Variants in SNTB1 observed in about 807,000 individuals in gnomAD.
SNTB1 encodes syntrophin beta 1, also known as beta-1-syntrophin.
Under a neutral mutation model 48.9 loss-of-function variants are expected in SNTB1, and 36 were observed. The observed-to-expected ratio is 0.74, with a 90% CI of 0.56 to 0.97. SNTB1 has a LOEUF of 0.97. Ranked by LOEUF, SNTB1 falls within the 50% of genes least tolerant of loss-of-function variation. The pLI is 0.00. For synonymous variants in SNTB1, 299 were observed against 294.6 expected, an observed-to-expected ratio of 1.01 and a Z score of -0.15; for missense variants, 786 against 703.4, an observed-to-expected ratio of 1.12 and a Z score of -1.33.
intron 1 of SNTB1, among the ~76,000 whole-genome samples, chr8:120,716,607 A>C (rs1435925846): frequency 6.6e-6 from 1 of 152,150 alleles, no homozygotes; most frequent in Non-Finnish European, 1.5e-5. Context: ...ACTAATGAGA[A>C]CTTTTAGTAA....
intron 2 of SNTB1, among the ~76,000 whole-genome samples, chr8:120,633,418 C>T (rs1245378982): frequency 6.6e-6 from 1 of 151,984 alleles, no homozygotes; most frequent in African/African-American, 2.4e-5. Context: ...CCAGCCTAGC[C>T]AACATGGTGA....
intron 1 of SNTB1, among the ~76,000 whole-genome samples, chr8:120,792,101 GCA>G (rs35253518): frequency 0.31 from 46,363 of 148,630 alleles, 7,273 homozygotes; most frequent in Middle Eastern, 0.44. Context: ...TACTAAAGAA[GCA>G]CACACACACA....
At chr8:120,619,905 C>G (rs114506698) in intron 3 of SNTB1, among the ~76,000 whole-genome samples, 1 of 152,036 alleles carries the variant, frequency 6.6e-6, no homozygotes, top group African/African-American at 2.4e-5. Context: ...AAAAGCCAAA[C>G]GATGGTGTTG....
intron 2 of SNTB1, among the ~76,000 whole-genome samples, chr8:120,646,717 T>C (rs1201512065): frequency 3.3e-5 from 5 of 152,058 alleles, no homozygotes; most frequent in Admixed American, 2.0e-4. Context: ...TTTCTATTGA[T>C]TGGAATAGTT....
intron 1 of SNTB1, among the ~76,000 whole-genome samples, chr8:120,698,230 T>C (rs1261024676): frequency 6.6e-6 from 1 of 152,300 alleles, no homozygotes; most frequent in Non-Finnish European, 1.5e-5. Flanking sequence ...TAGGTTTTTC[T>C]GTGTTTCTTC....
chr8:120,663,260 A>C (rs1234411535), intron 2 of SNTB1, among the ~76,000 whole-genome samples: 1 of 152,164 alleles, frequency 6.6e-6, no homozygotes, highest in Non-Finnish European at 1.5e-5. Flanking sequence ...GATGACCCTA[A>C]AGCTTACTTT....
chr8:120,591,240 C>G (rs536839430), intron 3 of SNTB1, among the ~76,000 whole-genome samples: 22 of 152,166 alleles, frequency 1.4e-4, no homozygotes, highest in Admixed American at 5.2e-4. Flanking sequence ...TTTGTCTTTT[C>G]ATATTTCACA....
chr8:120,775,635 G>C (rs1819718919), intron 1 of SNTB1: 1 of 150,276 alleles, frequency 6.7e-6, no homozygotes, highest in Admixed American at 6.7e-5. Flanking sequence ...AAGAATGAAA[G>C]AAGGAAGGAA....
chr8:120,722,109 G>A (rs1402820968), intron 1 of SNTB1, among the ~76,000 whole-genome samples: 1 of 152,118 alleles, frequency 6.6e-6, no homozygotes, highest in South Asian at 2.1e-4. Flanking sequence ...TGGTGTATAT[G>A]TGCCACATTT....
chr8:120,550,975 C>T (rs1815470095), intron 4 of SNTB1, among the ~76,000 whole-genome samples: 1 of 152,038 alleles, frequency 6.6e-6, no homozygotes. Flanking sequence ...TTAAATAGCT[C>T]GGCCAGGCGC....
intron 1 of SNTB1, chr8:120,768,598 G>C (rs181659477): frequency 2.0e-5 from 3 of 152,264 alleles, no homozygotes; most frequent in Admixed American, 2.0e-4. Context: ...GGTGGGTCTT[G>C]GGAGTAGTGT....
chr8:120,809,956 C>A (rs1820398677), intron 1 of SNTB1, among the ~76,000 whole-genome samples: 1 of 152,138 alleles, frequency 6.6e-6, no homozygotes, highest in Non-Finnish European at 1.5e-5. Flanking sequence ...GATGCTGGCA[C>A]CCTTACTTTA....
At chr8:120,774,501 G>A (rs890154518) in intron 1 of SNTB1, among the ~76,000 whole-genome samples, 11 of 152,198 alleles carry the variant, frequency 7.2e-5, no homozygotes, top group Non-Finnish European at 1.6e-4. Context: ...TGGAGGGAAG[G>A]CAGTAATTGG....
At chr8:120,617,096 T>A (rs559386848) in intron 3 of SNTB1, among the ~76,000 whole-genome samples, 1 of 152,110 alleles carries the variant, frequency 6.6e-6, no homozygotes, top group East Asian at 1.9e-4. Flanking sequence ...ACATTATGAG[T>A]TTTTTTGCAA....
chr8:120,720,061 C>T (rs779961881), intron 1 of SNTB1, among the ~76,000 whole-genome samples: 3 of 152,184 alleles, frequency 2.0e-5, no homozygotes, highest in Non-Finnish European at 2.9e-5. Flanking sequence ...TTCCAGTGAT[C>T]GGTGATGCAG....
At chr8:120,584,166 G>C (rs569945740) in intron 3 of SNTB1, among the ~76,000 whole-genome samples, 1 of 151,994 alleles carries the variant, frequency 6.6e-6, no homozygotes, top group African/African-American at 2.4e-5. Flanking sequence ...ATTAGGGCAC[G>C]CACGGTGGCT....
intron 3 of SNTB1, among the ~76,000 whole-genome samples, chr8:120,597,580 C>A (rs1816346256): frequency 6.6e-6 from 1 of 152,188 alleles, no homozygotes; most frequent in South Asian, 2.1e-4. Flanking sequence ...AAGAAAACCA[C>A]AAAGAAGGAT....
At chr8:120,805,886 C>G (rs1820326694) in intron 1 of SNTB1, among the ~76,000 whole-genome samples, 1 of 152,206 alleles carries the variant, frequency 6.6e-6, no homozygotes, top group Non-Finnish European at 1.5e-5. Flanking sequence ...GTGCTTGAAT[C>G]TAAGACTCAG....
chr8:120,707,605 C>T (rs1563857162), intron 1 of SNTB1, among the ~76,000 whole-genome samples: 1 of 152,088 alleles, frequency 6.6e-6, no homozygotes, highest in Non-Finnish European at 1.5e-5. Flanking sequence ...TGGTGAGCAT[C>T]AGTGAATGGA....
Sources: allele counts gnomAD v4.1 joint callset (sites outside exome capture counted in the v4.1 genomes callset), GRCh38; gene constraint gnomAD v4.1.1; transcripts MANE v1.5; gene names NCBI Gene and HGNC (gene_info 2026-07-23, HGNC 2026-07-21).